ALG5: variants seen among roughly 807,000 people sequenced by gnomAD.
ALG5 encodes ALG5 dolichyl-phosphate beta-glucosyltransferase, also known as dolichyl-phosphate beta-glucosyltransferase.
A neutral mutation model predicts 51.8 loss-of-function variants in ALG5; 26 were observed. The ratio of observed to expected loss-of-function variants is 0.50; its 90% CI spans 0.37 to 0.70. ALG5 has a LOEUF of 0.70. ALG5 is among the 30% of genes least tolerant of loss of function. ALG5 has a pLI of 0.00. For missense variants in ALG5, 311 were observed against 399.3 expected, an observed-to-expected ratio of 0.78 and a Z score of 1.88; for synonymous variants, 141 against 136.1, an observed-to-expected ratio of 1.04 and a Z score of -0.25.
At chr13:36,962,937 G>A (rs2058874653) in intron 8 of ALG5, among the ~76,000 whole-genome samples, 2 of 152,110 alleles carry the variant, frequency 1.3e-5, no homozygotes, top group Non-Finnish European at 1.5e-5. Context: ...TGGATAACAA[G>A]TAAATCTGAT....
chr13:36,992,160 T>C (rs1423728761), intron 4 of ALG5, among the ~76,000 whole-genome samples: 3 of 152,214 alleles, frequency 2.0e-5, no homozygotes, highest in Admixed American at 6.5e-5. Context: ...TATGATATAG[T>C]TCCTAATTGA....
chr13:36,994,758 G>A (rs2059041212), intron 3 of ALG5, among the ~76,000 whole-genome samples: 1 of 151,816 alleles, frequency 6.6e-6, no homozygotes, highest in Non-Finnish European at 1.5e-5. Context: ...GGGTAGGAGG[G>A]TACAGAAACA....
At chr13:36,976,757 A>AT (rs966242209) in intron 6 of ALG5, among the ~76,000 whole-genome samples, 1 of 151,590 alleles carries the variant, frequency 6.6e-6, no homozygotes, top group African/African-American at 2.4e-5. Flanking sequence ...CAGGAAAAAA[A>AT]AAAATTGTGT....
At chr13:36,992,805 C>A (rs2059031356) in intron 4 of ALG5, among the ~76,000 whole-genome samples, 1 of 152,200 alleles carries the variant, frequency 6.6e-6, no homozygotes, top group Non-Finnish European at 1.5e-5. Flanking sequence ...TCTATAAATA[C>A]TTAACTTAGC....
intron 6 of ALG5, among the ~76,000 whole-genome samples, chr13:36,974,341 A>ATTAT (rs1265396366): frequency 2.0e-4 from 31 of 152,348 alleles, no homozygotes; most frequent in African/African-American, 7.5e-4. Flanking sequence ...AATGACTAAC[A>ATTAT]AAAATAAATT....
chr13:36,999,110 G>C (rs1028570073), intron 1 of ALG5, 125 bp downstream of exon 1: 5 of 803,850 alleles, frequency 6.2e-6, no homozygotes, highest in Admixed American at 8.4e-5. Context: ...AGGAATTTGG[G>C]GGAATCTAGG....
chr13:36,992,473 A>G (rs1246031185), intron 4 of ALG5, among the ~76,000 whole-genome samples: 1 of 152,222 alleles, frequency 6.6e-6, no homozygotes, highest in Non-Finnish European at 1.5e-5. Flanking sequence ...AGCTCCCTCT[A>G]GAGTATGGTA....
At chr13:36,951,524 C>T (rs1233570668) in intron 9 of ALG5, among the ~76,000 whole-genome samples, 7 of 152,118 alleles carry the variant, frequency 4.6e-5, no homozygotes, top group Admixed American at 2.6e-4. Flanking sequence ...AGCTGGACTT[C>T]GAAAAAGTCT....
chr13:36,982,247 G>A (rs553668339), intron 6 of ALG5, among the ~76,000 whole-genome samples: 5 of 152,318 alleles, frequency 3.3e-5, no homozygotes, highest in East Asian at 1.9e-4. Flanking sequence ...CAGAAACAAT[G>A]GAAGGGGGTG....
intron 3 of ALG5, 129 bp from the exon 4 acceptor site, chr13:36,993,801 T>C (rs2059036412): frequency 2.8e-6 from 2 of 701,898 alleles, no homozygotes; most frequent in African/African-American, 1.8e-5. Context: ...TAAATATTAG[T>C]GCACAAACCG....
rs188781085 is a variant in ALG5, at chr13:36,989,135, G to A, written c.447+349C>T. On this transcript the variant is annotated intron_variant, in intron 5 of 9. Coordinates refer to ENST00000239891, the MANE Select transcript of ALG5 (RefSeq NM_013338.5). ...AATTCATCTTAGTTCATGCTACCAT[G>A]CATAACAGCATACCTTCATCAAGGT... Among the ~76,000 whole-genome samples, 111 of 152,180 alleles carry A rather than the reference G, an allele frequency of 7.3e-4. 1 individual carries two copies. Among genetic ancestry groups the A allele is most frequent in the African/African-American group, 2.6e-3 (107 of 41,506 alleles).
Position 36,965,675 on chromosome 13 carries a change from A to G in ALG5, c.673T>C (p.Phe225Leu), listed in dbSNP as rs1319933748. Residue 225 changes from phenylalanine (F) to leucine (L), a missense_variant, in exon 8 of 10, where the codon TTC becomes CTC. By Grantham distance (22) the Phe-to-Leu change is conservative. Coordinates refer to ENST00000239891, the MANE Select transcript of ALG5 (RefSeq NM_013338.5). ...LMYGFHFLVWFLCVKGIRDTQ... is the reference protein window; with the variant it reads ...LMYGFHFLVWLLCVKGIRDTQ... ...TCCCTGATTCCTTTGACACAAAGGA[A>G]CCACACCAGAAAGTGGAACCCATAC... 1 of 1,613,998 alleles carries G rather than the reference A, an allele frequency of 6.2e-7. No homozygotes were observed. The highest frequency in any genetic ancestry group is 1.3e-5 in the African/African-American group (1 of 74,938).
At chr13:36,979,744 C>T (rs2058970708) in intron 6 of ALG5, among the ~76,000 whole-genome samples, 1 of 152,080 alleles carries the variant, frequency 6.6e-6, no homozygotes, top group Admixed American at 6.5e-5. Flanking sequence ...CTTGTTAGAG[C>T]TATGTCTAAA....
At chr13:36,990,691 C>T (rs1400224103) in intron 4 of ALG5, among the ~76,000 whole-genome samples, 1 of 152,204 alleles carries the variant, frequency 6.6e-6, no homozygotes, top group Non-Finnish European at 1.5e-5. Flanking sequence ...TTCATCTCCT[C>T]CTCCCAACTT....
chr13:36,966,196 T>A (rs1475035755), intron 7 of ALG5, among the ~76,000 whole-genome samples: 2 of 152,074 alleles, frequency 1.3e-5, no homozygotes, highest in African/African-American at 4.8e-5. Flanking sequence ...TATAGCAGAG[T>A]ATCATGAAGG....
chr13:36,967,171 C>A (rs1031324347), intron 7 of ALG5, among the ~76,000 whole-genome samples: 7 of 148,424 alleles, frequency 4.7e-5, no homozygotes, highest in African/African-American at 1.2e-4. Context: ...TGCAATGAGC[C>A]GAGATGGCGC....
chr13:36,998,612 C>G (rs2059063560), intron 1 of ALG5, among the ~76,000 whole-genome samples: 1 of 152,190 alleles, frequency 6.6e-6, no homozygotes. Context: ...ATCGTCCTGC[C>G]TTGTTTAGGG....
chr13:36,951,664 T>A (rs965030234), intron 9 of ALG5, among the ~76,000 whole-genome samples: 1 of 152,360 alleles, frequency 6.6e-6, no homozygotes, highest in African/African-American at 2.4e-5. Flanking sequence ...ATAGGAATTA[T>A]TAAGATTTAT....
In ALG5 at chr13:36,965,660, C is replaced by T; in HGVS notation, c.688G>A (p.Gly230Arg). The change falls in exon 8 of 10, where the codon GGA becomes AGA. Residue 230 changes from glycine (G) to arginine (R), a missense_variant. Physicochemically the swap from Gly to Arg is moderately radical, Grantham distance 125. Transcript: ENST00000239891. ...HFLVWFLCVKGIRDTQCGFKL... is the reference protein window; with the variant it reads ...HFLVWFLCVKRIRDTQCGFKL... ...AACCCACACTGTGTGTCCCTGATTCCTTTGACACAAAGGAACCACACCAGA... is the reference window on the plus strand; with the variant it reads ...AACCCACACTGTGTGTCCCTGATTCTTTTGACACAAAGGAACCACACCAGA... The T allele has an allele frequency of 6.2e-7, 1 of 1,614,026 alleles. No homozygotes were observed. The highest frequency in any genetic ancestry group is 8.5e-7 in the Non-Finnish European group (1 of 1,179,932).
Sources: gnomAD v4.1 joint callset for allele counts (sites outside exome capture counted in the v4.1 genomes callset) on GRCh38, gnomAD v4.1.1 for gene constraint, MANE v1.5 for transcripts, NCBI Gene and HGNC (gene_info 2026-07-23, HGNC 2026-07-21) for gene names.